Variants in VKORC1L1 observed in about 807,000 individuals in gnomAD.
VKORC1L1 encodes vitamin K epoxide reductase complex subunit 1-like protein 1.
Under a neutral mutation model 18.9 loss-of-function variants are expected in VKORC1L1, and 2 were observed. The observed-to-expected ratio is 0.11, with a 90% CI of 0.04 to 0.33. The LOEUF (loss-of-function observed/expected upper bound fraction) is 0.33, where lower values mean the gene tolerates loss of function less well. Among genes scored for constraint, VKORC1L1 ranks in the 10% least tolerant of loss-of-function variants. The pLI, the probability that VKORC1L1 is intolerant of heterozygous loss-of-function variation, is 1.00. For synonymous variants in VKORC1L1, 96 were observed against 100.0 expected, an observed-to-expected ratio of 0.96 and a Z score of 0.24; for missense variants, 123 against 224.1, an observed-to-expected ratio of 0.55 and a Z score of 2.88.
chr7:65,883,959 C>T lies in VKORC1L1; in HGVS notation c.194+10394C>T, dbSNP rs184348114. ...ACACTGTTGGCTGTCTTGTGATTAC[C>T]GATCCTTTTAAAAACTCATCGTATT... On this transcript the variant is annotated intron_variant, in intron 1 of 2. Coordinates refer to ENST00000360768, the MANE Select transcript of VKORC1L1 (RefSeq NM_173517.6). Among the ~76,000 whole-genome samples, 588 of 152,214 alleles carry T rather than the reference C, an allele frequency of 3.9e-3. 7 individuals are homozygous for T. The highest frequency in any genetic ancestry group is 0.013 in the African/African-American group (559 of 41,536).
At chr7:65,905,590 T>C (rs909825346) in intron 1 of VKORC1L1, among the ~76,000 whole-genome samples, 1 of 152,188 alleles carries the variant, frequency 6.6e-6, no homozygotes, top group Admixed American at 6.5e-5. Flanking sequence ...ATTACAGGTG[T>C]GAGCCACTGT....
intron 1 of VKORC1L1, among the ~76,000 whole-genome samples, chr7:65,924,964 T>C (rs892524125): frequency 8.5e-5 from 13 of 152,192 alleles, no homozygotes; most frequent in African/African-American, 3.1e-4. Flanking sequence ...CATGGGTGCT[T>C]TCCCTCCTGG....
At chr7:65,880,885 C>G (rs1456564434) in intron 1 of VKORC1L1, among the ~76,000 whole-genome samples, 2 of 152,156 alleles carry the variant, frequency 1.3e-5, no homozygotes. Flanking sequence ...GAGTCCTGAG[C>G]TTTTCTTCTA....
At chr7:65,928,372 T>A (rs934484281) in intron 1 of VKORC1L1, among the ~76,000 whole-genome samples, 1 of 150,952 alleles carries the variant, frequency 6.6e-6, no homozygotes, top group Non-Finnish European at 1.5e-5. Context: ...ATTACAGGCA[T>A]GTGCTCCTGG....
At chr7:65,892,268 C>T (rs1171086768) in intron 1 of VKORC1L1, among the ~76,000 whole-genome samples, 3 of 151,972 alleles carry the variant, frequency 2.0e-5, no homozygotes, top group African/African-American at 4.8e-5. Flanking sequence ...GAAATCTCTT[C>T]GATACACCAA....
intron 2 of VKORC1L1, among the ~76,000 whole-genome samples, chr7:65,951,080 C>T (rs1790204290): frequency 6.6e-6 from 1 of 151,560 alleles, no homozygotes. Flanking sequence ...TCATATTTAT[C>T]ACATGTGTTT....
At chr7:65,895,827 A>G (rs1414571164) in intron 1 of VKORC1L1, among the ~76,000 whole-genome samples, 1 of 150,820 alleles carries the variant, frequency 6.6e-6, no homozygotes, top group Admixed American at 6.6e-5. Context: ...TGAATTCCTT[A>G]GTAAATGGTA....
At chr7:65,928,942 A>G (rs893580871) in intron 1 of VKORC1L1, among the ~76,000 whole-genome samples, 2 of 152,130 alleles carry the variant, frequency 1.3e-5, no homozygotes, top group Non-Finnish European at 2.9e-5. Flanking sequence ...GTAGGTGTGT[A>G]GTGGTGTATC....
intron 1 of VKORC1L1, among the ~76,000 whole-genome samples, chr7:65,900,564 A>G (rs1411625331): frequency 1.3e-5 from 2 of 152,172 alleles, no homozygotes; most frequent in Non-Finnish European, 2.9e-5. Context: ...GCACTTTGGG[A>G]GGCTGAGGCT....
chr7:65,892,282 C>T (rs559419985), intron 1 of VKORC1L1, among the ~76,000 whole-genome samples: 6 of 152,078 alleles, frequency 3.9e-5, no homozygotes, highest in African/African-American at 1.4e-4. Context: ...ACACCAATTT[C>T]CTTTCTTTTG....
intron 1 of VKORC1L1, among the ~76,000 whole-genome samples, chr7:65,898,701 A>G (rs1320394119): frequency 6.6e-6 from 1 of 152,214 alleles, no homozygotes; most frequent in African/African-American, 2.4e-5. Context: ...TTGTGATAAA[A>G]TACATGTAGC....
At chr7:65,926,656 G>A (rs542611876) in intron 1 of VKORC1L1, among the ~76,000 whole-genome samples, 6 of 152,322 alleles carry the variant, frequency 3.9e-5, no homozygotes, top group Admixed American at 1.3e-4. Flanking sequence ...GCACATGCAT[G>A]TTTATAGCAG....
intron 2 of VKORC1L1, among the ~76,000 whole-genome samples, chr7:65,951,297 C>T (rs754459480): frequency 2.6e-5 from 4 of 152,074 alleles, no homozygotes; most frequent in Admixed American, 6.6e-5. Flanking sequence ...TAAAAAGGAC[C>T]GGGCACAGTG....
chr7:65,892,829 T>G (rs1266704619), intron 1 of VKORC1L1, among the ~76,000 whole-genome samples: 1 of 152,222 alleles, frequency 6.6e-6, no homozygotes, highest in Admixed American at 6.5e-5. Flanking sequence ...TTCCTGTTTG[T>G]CCTCTCCCAG....
At chr7:65,875,318 C>T (rs1407089601) in intron 1 of VKORC1L1, among the ~76,000 whole-genome samples, 2 of 152,078 alleles carry the variant, frequency 1.3e-5, no homozygotes, top group East Asian at 1.9e-4. Flanking sequence ...TGTATATATA[C>T]ATATATAATC....
At chr7:65,942,745 C>T (rs934676618) in intron 1 of VKORC1L1, among the ~76,000 whole-genome samples, 6 of 151,854 alleles carry the variant, frequency 4.0e-5, no homozygotes, top group Non-Finnish European at 7.4e-5. Flanking sequence ...AGGCTGGTCT[C>T]AAACTCCTGA....
chr7:65,941,423 A>G (rs1052595447), intron 1 of VKORC1L1, among the ~76,000 whole-genome samples: 6 of 151,906 alleles, frequency 3.9e-5, no homozygotes, highest in Non-Finnish European at 8.8e-5. Flanking sequence ...CCAAAGTTCT[A>G]TTTCTAGATG....
rs891922708 is a variant in VKORC1L1 at position 65,873,094 on chromosome 7, G to A, written c.-278G>A. On this transcript the variant is annotated 5_prime_UTR_variant, in exon 1 of 3. Transcript: ENST00000360768. ...GCCTCAGTCTCCGCCCGCCGATCCG[G>A]CCTCTTCGGCCGTTGCGCACTCCAC... 1.0e-3 allele frequency among the ~76,000 whole-genome samples: 155 copies of A among 149,072 alleles called. No individual in the cohort carries two copies. Among genetic ancestry groups the A allele is most frequent in the African/African-American group, 3.7e-3 (150 of 40,858 alleles).
Position 65,912,853 on chromosome 7 carries a change from A to G in VKORC1L1, c.195-35818A>G, listed in dbSNP as rs1789522931. ...TTTTATTAATAGATTCAATCATAAAATTACATTTTAGTAAATTTACAACAT... is the reference window on the plus strand; with the variant it reads ...TTTTATTAATAGATTCAATCATAAAGTTACATTTTAGTAAATTTACAACAT... On this transcript the variant is annotated intron_variant, in intron 1 of 2. Transcript: ENST00000360768. 2.6e-5 allele frequency among the ~76,000 whole-genome samples: 4 copies of G among 152,350 alleles called. No individual in the cohort carries two copies. The South Asian group carries it at 8.3e-4, about 32-fold the overall frequency.
Sources: gnomAD v4.1 joint callset for allele counts (sites outside exome capture counted in the v4.1 genomes callset) on GRCh38, gnomAD v4.1.1 for gene constraint, MANE v1.5 for transcripts, NCBI Gene and HGNC (gene_info 2026-07-23, HGNC 2026-07-21) for gene names.